The following ASPRV1 variants were observed in gnomAD, a reference collection of about 807,000 sequenced individuals.
ASPRV1 encodes retroviral-like aspartic protease 1.
Under a neutral mutation model 11.0 loss-of-function variants are expected in ASPRV1, and 7 were observed. That is an observed-to-expected ratio of 0.64 (90% confidence interval 0.36 to 1.20). The LOEUF (loss-of-function observed/expected upper bound fraction) is 1.20. ASPRV1 is among the 50% of genes most tolerant of loss of function. The pLI, the probability that ASPRV1 is intolerant of heterozygous loss-of-function variation, is 0.02. For synonymous variants in ASPRV1, 136 were observed against 138.4 expected (o/e 0.98, Z 0.12); for missense variants, 299 against 320.0 (o/e 0.93, Z 0.50).
At chr2:70,067,745 T>C in the ASPRV1 span, among the ~76,000 whole-genome samples, 1 of 152,220 alleles carries the variant, frequency 6.6e-6, no homozygotes, top group Non-Finnish European at 1.5e-5. Context: ...GGAAGAAGTA[T>C]GGCAGGTACA....
the ASPRV1 span, among the ~76,000 whole-genome samples, chr2:70,041,284 G>GC: frequency 3.9e-5 from 6 of 152,208 alleles, no homozygotes; most frequent in Admixed American, 3.9e-4. Context: ...TTTCTTTCAG[G>GC]TGGTCTTTCC....
the ASPRV1 span, chr2:69,938,294 C>T: frequency 6.2e-7 from 1 of 1,612,940 alleles, no homozygotes; most frequent in Non-Finnish European, 8.5e-7. Context: ...AGAGAGTGGG[C>T]ACTGCGGCTG....
At chr2:69,953,849 A>G in the ASPRV1 span, among the ~76,000 whole-genome samples, 11 of 151,512 alleles carry the variant, frequency 7.3e-5, no homozygotes, top group East Asian at 2.1e-3. Context: ...CTGGGATTAC[A>G]GGCACACGCC....
At chr2:70,054,128 CAAGACCAGCCTGGCCA>C in the ASPRV1 span, 221 of 151,126 alleles carry the variant, frequency 1.5e-3, 2 homozygotes, top group African/African-American at 5.2e-3. Flanking sequence ...GTGAGAAGTT[CAAGACCAGCCTGGCCA>C]AAATGGTGAA....
At chr2:70,001,735 GAGC>G in the ASPRV1 span, among the ~76,000 whole-genome samples, 2 of 152,104 alleles carry the variant, frequency 1.3e-5, no homozygotes, top group African/African-American at 4.8e-5. Context: ...ACCCCAGCCT[GAGC>G]AGCAAGAGCG....
the ASPRV1 span, among the ~76,000 whole-genome samples, chr2:69,999,962 C>T: frequency 6.6e-6 from 1 of 152,274 alleles, no homozygotes; most frequent in South Asian, 2.1e-4. Context: ...TGGCCCCGCT[C>T]GCCTCCTCTC....
chr2:69,996,618 T>C, the ASPRV1 span: 2 of 436,496 alleles, frequency 4.6e-6, no homozygotes, highest in Non-Finnish European at 9.2e-6. Flanking sequence ...TTTCATTACT[T>C]CTATGACACC....
the ASPRV1 span, chr2:70,081,468 C>G: frequency 6.7e-6 from 1 of 150,320 alleles, no homozygotes; most frequent in Non-Finnish European, 1.5e-5. Flanking sequence ...GCACTCCATC[C>G]TGGTGACACA....
At chr2:70,005,772 C>T in the ASPRV1 span, among the ~76,000 whole-genome samples, 3 of 152,234 alleles carry the variant, frequency 2.0e-5, no homozygotes, top group Non-Finnish European at 4.4e-5. Context: ...CCAAACTTCA[C>T]TAGCCATTCT....
the ASPRV1 span, among the ~76,000 whole-genome samples, chr2:70,007,435 T>C: frequency 6.6e-6 from 1 of 152,106 alleles, no homozygotes; most frequent in Non-Finnish European, 1.5e-5. Flanking sequence ...GCAGAATTGC[T>C]TGAACCCTGG....
At chr2:70,021,234 C>T in the ASPRV1 span, among the ~76,000 whole-genome samples, 8 of 152,124 alleles carry the variant, frequency 5.3e-5, no homozygotes, top group East Asian at 1.5e-3. Context: ...AGCAGGATTT[C>T]CTTCTTTTTT....
At chr2:70,076,422 G>A in the ASPRV1 span, among the ~76,000 whole-genome samples, 23 of 152,292 alleles carry the variant, frequency 1.5e-4, no homozygotes, top group Middle Eastern at 6.8e-3. Context: ...TAATTTTTAT[G>A]ATAATAGCTG....
chr2:70,073,377 A>G, the ASPRV1 span: 1 of 152,190 alleles, frequency 6.6e-6, no homozygotes, highest in African/African-American at 2.4e-5. Flanking sequence ...CAGGCAGTAC[A>G]ACTTAGTAGC....
At chr2:70,008,653 G>C in the ASPRV1 span, among the ~76,000 whole-genome samples, 1 of 150,446 alleles carries the variant, frequency 6.6e-6, no homozygotes, top group African/African-American at 2.4e-5. Context: ...TTTTTTTTAA[G>C]TTCATCAACT....
the ASPRV1 span, among the ~76,000 whole-genome samples, chr2:70,011,448 TG>T: frequency 6.6e-6 from 1 of 151,548 alleles, no homozygotes; most frequent in Non-Finnish European, 1.5e-5. Flanking sequence ...AGGGAGAGAT[TG>T]GGAAAATGTT....
chr2:70,085,918 A>G, the ASPRV1 span: 2 of 152,126 alleles, frequency 1.3e-5, no homozygotes, highest in Non-Finnish European at 2.9e-5. Flanking sequence ...AAAAGCAGTA[A>G]CTTATCTCAT....
chr2:70,056,445 A>C, the ASPRV1 span: 3 of 151,674 alleles, frequency 2.0e-5, no homozygotes, highest in East Asian at 3.9e-4. Flanking sequence ...CTCTACTAAA[A>C]ATACAAAAAA....
At chr2:70,084,870 A>C in the ASPRV1 span, among the ~76,000 whole-genome samples, 122 of 152,358 alleles carry the variant, frequency 8.0e-4, no homozygotes, top group East Asian at 0.01. Flanking sequence ...TTATGTACCT[A>C]TTAAATGTTC....
chr2:70,074,668 C>T, the ASPRV1 span, among the ~76,000 whole-genome samples: 1 of 151,970 alleles, frequency 6.6e-6, no homozygotes, highest in Non-Finnish European at 1.5e-5. Flanking sequence ...GTCAAGATCA[C>T]AGTCCTCTTT....
Sources: allele counts gnomAD v4.1 joint callset (sites outside exome capture counted in the v4.1 genomes callset), GRCh38; gene constraint gnomAD v4.1.1; transcripts MANE v1.5; gene names NCBI Gene and HGNC (gene_info 2026-07-23, HGNC 2026-07-21).